The following CSF1 variants were observed in gnomAD, a reference collection of about 807,000 sequenced individuals.
CSF1 encodes the protein macrophage colony-stimulating factor 1.
A neutral mutation model predicts 48.9 loss-of-function variants in CSF1; 9 were observed. The observed-to-expected ratio is 0.18, with a 90% CI of 0.11 to 0.32. The LOEUF (loss-of-function observed/expected upper bound fraction) is 0.32, where lower values mean the gene tolerates loss of function less well. CSF1 is among the 10% of genes least tolerant of loss of function. The pLI, the probability that CSF1 is intolerant of heterozygous loss-of-function variation, is 1.00. For synonymous variants in CSF1, 305 were observed against 284.1 expected, an observed-to-expected ratio of 1.07 and a Z score of -0.74; for missense variants, 672 against 697.9, an observed-to-expected ratio of 0.96 and a Z score of 0.42.
In CSF1 at chr1:109,923,571, T is replaced by C. The variant is rs1647677074; in HGVS notation, c.950T>C (p.Val317Ala). Residue 317 changes from valine to alanine, a missense_variant, in exon 6 of 9, where the codon GTA (valine) becomes GCA (alanine). By Grantham distance (64) the Val-to-Ala change is moderately conservative. Around this residue, in one of 3 missense-constraint regions of CSF1, gnomAD observed 591 missense variants for 593.6 expected, o/e 1.00. Transcript: ENST00000329608. Reference protein sequence around the residue: ...EASGEASEIPVPQGTELSPSR... With the variant: ...EASGEASEIPAPQGTELSPSR... ...TCTGGAGAGGCCAGTGAGATTCCCGTACCCCAAGGGACAGAGCTTTCCCCC... is the reference window on the plus strand; with the variant it reads ...TCTGGAGAGGCCAGTGAGATTCCCGCACCCCAAGGGACAGAGCTTTCCCCC... The C allele has an allele frequency of 1.2e-6, 2 of 1,614,102 alleles. No individual in the cohort carries two copies. Among genetic ancestry groups the C allele is most frequent in the African/African-American group, 2.7e-5 (2 of 75,008 alleles).
chr1:109,929,485 C>T lies in CSF1; in HGVS notation c.*647C>T, dbSNP rs1446066597. The T allele has an allele frequency of 6.5e-6, 1 of 152,880 alleles. No homozygotes were observed. 9.5% of individuals were successfully genotyped at this position (152,880 alleles called of 1,614,324 possible). ...AGTGCCCTGTGCTGGTTGCCAGGCG[C>T]AGAGGGGAGGCCAGCCCTGCCCTCA... On this transcript the variant is annotated 3_prime_UTR_variant, in exon 9 of 9. Transcript: ENST00000329608.
chr1:109,922,144 T>C, intron 5 of CSF1, 150 bp downstream of exon 5: 1 of 869,438 alleles, frequency 1.2e-6, no homozygotes, highest in Non-Finnish European at 1.7e-6. Flanking sequence ...GTTCTGTGTA[T>C]ATATGTGGCT....
chr1:109,910,990 G>A lies in CSF1; in HGVS notation c.-34G>A. 8.6e-7 allele frequency: 1 copy of A among 1,166,022 alleles called. No individual in the cohort carries two copies. The highest frequency in any genetic ancestry group is 1.1e-6 in the Non-Finnish European group (1 of 947,276). The allele number at this position is 1,166,022 out of a possible 1,614,324, so 72.2% of individuals were successfully genotyped here. On this transcript the variant is annotated 5_prime_UTR_variant, in exon 1 of 9. Coordinates refer to ENST00000329608, the MANE Select transcript of CSF1 (RefSeq NM_000757.6). ...AGCGAGCGAGCGAGCGAGCGAGGGC[G>A]GCCGACGCGCCCGGCCGGGACCCAG...
chr1:109,918,441 G>C (rs189212576), intron 4 of CSF1, among the ~76,000 whole-genome samples: 11 of 152,346 alleles, frequency 7.2e-5, no homozygotes, highest in Non-Finnish European at 1.3e-4. Flanking sequence ...TAGACCACAG[G>C]GGGCAGGAAT....
At chr1:109,922,707 C>T (rs1472677127) in intron 5 of CSF1, among the ~76,000 whole-genome samples, 3 of 149,574 alleles carry the variant, frequency 2.0e-5, no homozygotes, top group Admixed American at 2.0e-4. Context: ...ATTCTAGCCC[C>T]AGCCTGTTCC....
chr1:109,924,486 A>G (rs1405908709), intron 6 of CSF1, among the ~76,000 whole-genome samples: 1 of 152,096 alleles, frequency 6.6e-6, no homozygotes, highest in Non-Finnish European at 1.5e-5. Flanking sequence ...GGAGGAGAGC[A>G]ATGCTGTGTG....
chr1:109,918,741 C>T (rs1454952825), intron 4 of CSF1, among the ~76,000 whole-genome samples: 7 of 152,010 alleles, frequency 4.6e-5, no homozygotes, highest in African/African-American at 7.2e-5. Flanking sequence ...GCACAGCAGA[C>T]GTGAGGTGCT....
chr1:109,915,613 T>A (rs763597725), intron 2 of CSF1, 21 bp from the exon 3 acceptor site: 2 of 1,610,062 alleles, frequency 1.2e-6, no homozygotes, highest in African/African-American at 1.3e-5. Context: ...CCTGCAATCG[T>A]TGGCCTGCTC....
rs137985559 is a variant in CSF1 at position 109,923,409 on chromosome 1, C to T, written c.788C>T (p.Pro263Leu). The change falls in exon 6 of 9, where the codon CCG becomes CTG. Residue 263 changes from proline to leucine, a missense_variant. Physicochemically the swap from Pro to Leu is moderately conservative, Grantham distance 98. This residue lies in a region of CSF1 where 591 missense variants were observed against 593.6 expected (regional missense o/e 1.00). Transcript: ENST00000329608. ...AGGAGCACCTGCCAGAGCTTTGAGC[C>T]GCCAGAGACCCCAGTTGTCAAGGAC... ...PPRSTCQSFE[P>L]PETPVVKDST... is the part of the protein sequence containing the mutation. 31 of 1,613,876 alleles carry T rather than the reference C, an allele frequency of 1.9e-5. No individual in the cohort carries two copies. Among genetic ancestry groups the T allele is most frequent in the East Asian group, 8.9e-5 (4 of 44,874 alleles).
At chr1:109,925,830 A>G (rs545427468) in intron 8 of CSF1, among the ~76,000 whole-genome samples, 1 of 152,256 alleles carries the variant, frequency 6.6e-6, no homozygotes, top group East Asian at 1.9e-4. Flanking sequence ...TCCCAGATCC[A>G]GCCCAGCTCC....
At chr1:109,917,207 GCA>G in intron 3 of CSF1, 84 bp from the exon 4 acceptor site, 1 of 1,440,234 alleles carries the variant, frequency 6.9e-7, no homozygotes. Flanking sequence ...AAGGGGGAGA[GCA>G]AGCTGCAACC....
rs1570806168 is a variant in CSF1 at position 109,929,246 on chromosome 1, A to G, written c.*408A>G. ...AGGGTGGACGCTGAGGAGTGAAAGA[A>G]CCCTGCACCCAGAGGGCCTGCCTGG... On this transcript the variant is annotated 3_prime_UTR_variant, in exon 9 of 9. Transcript: ENST00000329608. 6.6e-6 allele frequency: 1 copy of G among 152,622 alleles called. No homozygotes were observed. Among genetic ancestry groups the G allele is most frequent in the African/African-American group, 2.4e-5 (1 of 41,420 alleles). 9.5% of individuals were successfully genotyped at this position (152,622 alleles called of 1,614,324 possible). A position where few individuals can be genotyped will look rare whatever the true frequency, so the allele number is the denominator to read the frequency against.
In CSF1 at chr1:109,924,198, G is replaced by A; in HGVS notation, c.1569+8G>A. 1.9e-6 allele frequency: 3 copies of A among 1,593,884 alleles called. No individual in the cohort carries two copies. Among genetic ancestry groups the A allele is most frequent in the Non-Finnish European group, 2.6e-6 (3 of 1,170,670 alleles). On this transcript the variant is annotated splice_region_variant and intron_variant, in intron 6 of 8. Coordinates refer to ENST00000329608, the MANE Select transcript of CSF1 (RefSeq NM_000757.6). ...TACAGGTGGAGGCGGCGGGTGAGTA[G>A]ATCCCCATGAGGAAGAAGAGCACGT...
chr1:109,911,232 A>G (rs533343291), intron 1 of CSF1, among the ~76,000 whole-genome samples, 170 bp downstream of exon 1: 1 of 151,928 alleles, frequency 6.6e-6, no homozygotes, highest in Non-Finnish European at 1.5e-5. Flanking sequence ...CCCTGGCGCC[A>G]GGGCGGAGGC....
intron 2 of CSF1, 67 bp from the exon 3 acceptor site, chr1:109,915,567 G>A: frequency 7.2e-7 from 1 of 1,390,736 alleles, no homozygotes; most frequent in Non-Finnish European, 1.0e-6. Context: ...TCCCCGTTTT[G>A]AAGAAGGCTG....
At chr1:109,918,177 A>G (rs1165809655) in intron 4 of CSF1, among the ~76,000 whole-genome samples, 1 of 152,250 alleles carries the variant, frequency 6.6e-6, no homozygotes, top group Non-Finnish European at 1.5e-5. Flanking sequence ...GGCTAGAAGA[A>G]CATTCTGGAA....
intron 1 of CSF1, among the ~76,000 whole-genome samples, chr1:109,911,665 GC>G (rs754619192): frequency 2.6e-5 from 4 of 152,240 alleles, no homozygotes; most frequent in Non-Finnish European, 5.9e-5. Flanking sequence ...GACGGCAACA[GC>G]CGGCAAACAG....
intron 8 of CSF1, among the ~76,000 whole-genome samples, chr1:109,928,067 G>A (rs910865551): frequency 6.6e-5 from 10 of 152,218 alleles, no homozygotes; most frequent in African/African-American, 2.4e-4. Context: ...ATGGATGTTA[G>A]GGAGGGAGGC....
At chr1:109,914,700 C>A (rs916402640) in intron 2 of CSF1, among the ~76,000 whole-genome samples, 1 of 152,264 alleles carries the variant, frequency 6.6e-6, no homozygotes, top group Non-Finnish European at 1.5e-5. Context: ...GGTCTGCTGT[C>A]CCTCAGTGGG....
Sources: allele counts gnomAD v4.1 joint callset (sites outside exome capture counted in the v4.1 genomes callset), GRCh38; gene constraint gnomAD v4.1.1; regional missense constraint gnomAD v4.1.1; transcripts MANE v1.5; gene names NCBI Gene and HGNC (gene_info 2026-07-23, HGNC 2026-07-21).